TSNARE1: variants seen among roughly 807,000 people sequenced by gnomAD.
TSNARE1 encodes the protein t-SNARE domain containing 1.
Under a neutral mutation model 62.0 loss-of-function variants are expected in TSNARE1, and 49 were observed. The observed-to-expected ratio is 0.79, with a 90% CI of 0.63 to 1.00. The LOEUF (loss-of-function observed/expected upper bound fraction) is 1.00, where lower values mean the gene tolerates loss of function less well. Ranked by LOEUF, TSNARE1 falls within the 50% of genes least tolerant of loss-of-function variation. TSNARE1 has a pLI of 0.00. For synonymous variants in TSNARE1, 328 were observed against 294.4 expected, an observed-to-expected ratio of 1.11 and a Z score of -1.17; for missense variants, 755 against 700.1, an observed-to-expected ratio of 1.08 and a Z score of -0.88.
At chr8:142,280,344 T>A (rs1213202932) in intron 11 of TSNARE1, 1 of 984,902 alleles carries the variant, frequency 1.0e-6, no homozygotes, top group African/African-American at 1.7e-5. Flanking sequence ...CACCAGAGGC[T>A]GAGCAGGGGG....
At chr8:142,277,517 A>ACTGGGCCTGCAG in intron 11 of TSNARE1, 1 of 985,468 alleles carries the variant, frequency 1.0e-6, no homozygotes, top group Non-Finnish European at 1.2e-6. Flanking sequence ...GCTCGGGGCA[A>ACTGGGCCTGCAG]CTGGGCCTGC....
In TSNARE1 at chr8:142,274,366, C is replaced by G. The variant is rs1820072873; in HGVS notation, c.1446+415G>C. The G allele has an allele frequency of 2.0e-6, 2 of 985,338 alleles. 1 individual carries two copies. Among genetic ancestry groups the G allele is most frequent in the South Asian group, 9.4e-5 (2 of 21,290 alleles). The allele number at this position is 985,338 out of a possible 1,614,324, so 61.0% of individuals were successfully genotyped here. A position where few individuals can be genotyped will look rare whatever the true frequency, so the allele number is the denominator to read the frequency against. ...TCAAGAAAATAAAGGCCTGAGCTTT[C>G]TTGTTCCCTCTGAGCCACTGACCTG... is the stretch of plus-strand genomic sequence containing the variant. On this transcript the variant is annotated intron_variant, in intron 12 of 13. Coordinates refer to ENST00000524325, the MANE Select transcript of TSNARE1 (RefSeq NM_145003.5).
rs2131732405 is a variant in TSNARE1, at chr8:142,319,579, G to A, written c.894-945C>T. ...GGAGGACCCTGGCCTGCTGGAAACT[G>A]GGGAGCCTCAGTGACCCTTTCAAGT... is the stretch of plus-strand genomic sequence containing the variant. On this transcript the variant is annotated intron_variant, in intron 6 of 13. Transcript: ENST00000524325. The surrounding 1 kb of genome is among the most constrained non-coding windows in gnomAD (Gnocchi z 4.9). Among the ~76,000 whole-genome samples the A allele has an allele frequency of 6.6e-6, 1 of 152,226 alleles. No individual in the cohort carries two copies. Among genetic ancestry groups the A allele is most frequent in the East Asian group, 1.9e-4 (1 of 5,162 alleles).
chr8:142,221,517 C>T (rs1352086141), intron 13 of TSNARE1, among the ~76,000 whole-genome samples: 1 of 152,228 alleles, frequency 6.6e-6, no homozygotes, highest in East Asian at 1.9e-4. Flanking sequence ...CTTGATTGAT[C>T]GTTGCCTGGA....
At chr8:142,390,355 G>A (rs74999447) in intron 1 of TSNARE1, among the ~76,000 whole-genome samples, 10 of 118,758 alleles carry the variant, frequency 8.4e-5, no homozygotes, top group African/African-American at 3.1e-4. Context: ...TGTACACTGC[G>A]GGGGACTCCG....
intron 12 of TSNARE1, among the ~76,000 whole-genome samples, chr8:142,257,376 C>A (rs1563783936): frequency 6.6e-6 from 1 of 152,180 alleles, no homozygotes; most frequent in Non-Finnish European, 1.5e-5. Context: ...CCGAGGCATA[C>A]TGGACAGCTG....
intron 13 of TSNARE1, among the ~76,000 whole-genome samples, chr8:142,217,329 AAGAAAG>A (rs1192742324): frequency 1.6e-5 from 1 of 61,390 alleles, no homozygotes; most frequent in African/African-American, 5.0e-5. Flanking sequence ...GAAAGAAAGA[AAGAAAG>A]AAAGAAAGAA....
chr8:142,268,625 CCG>C (rs926836864), intron 12 of TSNARE1, among the ~76,000 whole-genome samples: 1 of 150,114 alleles, frequency 6.7e-6, no homozygotes, highest in Non-Finnish European at 1.5e-5. Flanking sequence ...GGGGCTGAAG[CCG>C]TGTTTTCCAG....
intron 4 of TSNARE1, among the ~76,000 whole-genome samples, chr8:142,336,628 G>A (rs978458015): frequency 1.1e-4 from 16 of 152,088 alleles, no homozygotes; most frequent in African/African-American, 1.7e-4. Flanking sequence ...CAGGCAGCGC[G>A]GTCAGCAGAG....
At chr8:142,316,519 T>C (rs796993468) in intron 7 of TSNARE1, among the ~76,000 whole-genome samples, 4 of 151,832 alleles carry the variant, frequency 2.6e-5, no homozygotes, top group African/African-American at 9.6e-5. Flanking sequence ...ACTGTCTAAT[T>C]TAGATCTGAT....
chr8:142,403,455 C>A (rs973389321), upstream of TSNARE1, among the ~76,000 whole-genome samples: 2 of 152,048 alleles, frequency 1.3e-5, no homozygotes, highest in African/African-American at 4.8e-5. Flanking sequence ...GGCGGCGGCC[C>A]GGCGCTGAGG....
intron 4 of TSNARE1, among the ~76,000 whole-genome samples, chr8:142,337,616 C>G (rs2129838885): frequency 6.6e-6 from 1 of 152,340 alleles, no homozygotes; most frequent in African/African-American, 2.4e-5. Context: ...GCTGTGGGGC[C>G]TCCTCCAAGC....
intron 12 of TSNARE1, chr8:142,270,301 G>A (rs1404401067): frequency 1.0e-6 from 1 of 985,316 alleles, no homozygotes; most frequent in Non-Finnish European, 1.2e-6. Flanking sequence ...CCCGCAGGGA[G>A]GCTGAAAGCA....
intron 6 of TSNARE1, among the ~76,000 whole-genome samples, chr8:142,329,871 G>C (rs547314924): frequency 1.3e-5 from 2 of 152,254 alleles, no homozygotes; most frequent in African/African-American, 2.4e-5. Context: ...GAACTGCCCT[G>C]AACATCTGCA....
chr8:142,272,936 C>T (rs992799192), intron 12 of TSNARE1: 12 of 985,342 alleles, frequency 1.2e-5, no homozygotes, highest in Non-Finnish European at 1.4e-5. Flanking sequence ...TATGCAGAGG[C>T]AACTTCACAG....
chr8:142,227,156 C>T (rs530581267), intron 13 of TSNARE1, among the ~76,000 whole-genome samples: 4 of 150,476 alleles, frequency 2.7e-5, no homozygotes, highest in Admixed American at 2.0e-4. Context: ...CAGTGACAGC[C>T]AGGACCTCCA....
chr8:142,282,287 T>C (rs897269814), intron 11 of TSNARE1, among the ~76,000 whole-genome samples: 2 of 152,192 alleles, frequency 1.3e-5, no homozygotes, highest in South Asian at 2.1e-4. Context: ...CTCACAACCC[T>C]ATCCACCCCA....
chr8:142,308,653 T>C (rs1289819343), intron 9 of TSNARE1, among the ~76,000 whole-genome samples: 1 of 152,184 alleles, frequency 6.6e-6, no homozygotes, highest in African/African-American at 2.4e-5. Context: ...CACCACACTG[T>C]TTTCATTTCT....
At chr8:142,333,145 G>A (rs1354089233) in intron 4 of TSNARE1, among the ~76,000 whole-genome samples, 1 of 152,240 alleles carries the variant, frequency 6.6e-6, no homozygotes, top group East Asian at 1.9e-4. Context: ...CCCTGTGCCT[G>A]GACAGAGCTG....
Sources: allele counts gnomAD v4.1 joint callset (sites outside exome capture counted in the v4.1 genomes callset), GRCh38; gene constraint gnomAD v4.1.1; non-coding constraint Gnocchi (gnomAD v3.1); transcripts MANE v1.5; gene names NCBI Gene and HGNC (gene_info 2026-07-23, HGNC 2026-07-21).